The following PCCB variants were observed in gnomAD, a reference collection of about 807,000 sequenced individuals.
PCCB encodes propionyl-CoA carboxylase beta chain, mitochondrial.
In PCCB, 43 loss-of-function variants were observed where a neutral mutation model predicts 60.7. The observed-to-expected ratio is 0.71, with a 90% CI of 0.55 to 0.91. The LOEUF (loss-of-function observed/expected upper bound fraction) is 0.91. Among genes scored for constraint, PCCB ranks in the 40% least tolerant of loss-of-function variants. PCCB has a pLI of 0.00. For synonymous variants in PCCB, 276 were observed against 255.9 expected, an observed-to-expected ratio of 1.08 and a Z score of -0.75; for missense variants, 766 against 702.8, an observed-to-expected ratio of 1.09 and a Z score of -1.02.
At chr3:136,270,139 CTTTA>C (rs1372999013) in intron 5 of PCCB, among the ~76,000 whole-genome samples, 1 of 151,268 alleles carries the variant, frequency 6.6e-6, no homozygotes, top group Non-Finnish European at 1.5e-5. Flanking sequence ...GTTTTTTGTT[CTTTA>C]TTCTAATGAT....
chr3:136,268,087 GATATATATATAT>G (rs61160895), intron 5 of PCCB, among the ~76,000 whole-genome samples: 52 of 93,774 alleles, frequency 5.5e-4, no homozygotes, highest in African/African-American at 1.2e-3. Flanking sequence ...TGTGTGTGTA[GATATATATATAT>G]ATATATATAT....
At chr3:136,315,476 G>A (rs902931065) in intron 9 of PCCB, among the ~76,000 whole-genome samples, 27 of 152,214 alleles carry the variant, frequency 1.8e-4, no homozygotes, top group African/African-American at 6.0e-4. Context: ...GCAGTGAGCC[G>A]AGATCGTGCC....
intron 1 of PCCB, among the ~76,000 whole-genome samples, chr3:136,254,731 G>T (rs976079938): frequency 1.3e-5 from 2 of 149,446 alleles, no homozygotes; most frequent in East Asian, 4.0e-4. Context: ...ACCAGGTTTT[G>T]CCATGTTGTC....
intron 5 of PCCB, among the ~76,000 whole-genome samples, chr3:136,272,764 A>G (rs1942233791): frequency 6.6e-6 from 1 of 151,814 alleles, no homozygotes; most frequent in Non-Finnish European, 1.5e-5. Flanking sequence ...TGGTCGACCA[A>G]TTTTGTTTAT....
At chr3:136,258,089 A>G (rs1263860960) in intron 3 of PCCB, among the ~76,000 whole-genome samples, 3 of 152,112 alleles carry the variant, frequency 2.0e-5, no homozygotes, top group South Asian at 2.1e-4. Context: ...GTTTTGTGCA[A>G]TTTATGAGAG....
In PCCB at chr3:136,327,621, G is replaced by C; in HGVS notation, c.1300-13G>C. 6.3e-7 allele frequency: 1 copy of C among 1,592,336 alleles called. No homozygotes were observed. The highest frequency in any genetic ancestry group is 8.6e-7 in the Non-Finnish European group (1 of 1,160,176). On this transcript the variant is annotated splice_polypyrimidine_tract_variant and intron_variant, in intron 12 of 14. Coordinates refer to ENST00000251654, the MANE Select transcript of PCCB (RefSeq NM_000532.5). The stretch of plus-strand genomic sequence containing the variant: ...TCTCAGGCTCTAACACTCAGCATTT[G>C]GATCTGTTTTAGGCCTATGGAGGTG...
chr3:136,267,978 C>T (rs1340227719), intron 5 of PCCB, among the ~76,000 whole-genome samples: 8 of 122,670 alleles, frequency 6.5e-5, no homozygotes, highest in African/African-American at 2.6e-4. Context: ...TGGAGTTTCA[C>T]TCTTGTCGCC....
intron 5 of PCCB, among the ~76,000 whole-genome samples, chr3:136,263,064 C>G (rs998832172): frequency 2.7e-5 from 4 of 150,206 alleles, no homozygotes; most frequent in Non-Finnish European, 5.9e-5. Flanking sequence ...AAGTGATTCT[C>G]CTGCCTCAGC....
At chr3:136,325,133 GC>G (rs1034527522) in intron 10 of PCCB, among the ~76,000 whole-genome samples, 4 of 151,930 alleles carry the variant, frequency 2.6e-5, no homozygotes, top group African/African-American at 4.8e-5. Context: ...CAGGTGATCC[GC>G]CCACCTTGGC....
intron 10 of PCCB, 50 bp from the exon 11 acceptor site, chr3:136,326,753 G>C: frequency 8.1e-7 from 1 of 1,236,916 alleles, no homozygotes; most frequent in Non-Finnish European, 1.2e-6. Flanking sequence ...ATTGTGGATA[G>C]AACTGGGAAT....
intron 9 of PCCB, among the ~76,000 whole-genome samples, chr3:136,304,756 ATC>A (rs1934401665): frequency 8.4e-6 from 1 of 119,272 alleles, no homozygotes; most frequent in African/African-American, 2.5e-5. Context: ...CAGTGGCACA[ATC>A]TCAGCTTAGT....
chr3:136,277,463 G>A (rs1942359594), intron 5 of PCCB, among the ~76,000 whole-genome samples: 1 of 152,076 alleles, frequency 6.6e-6, no homozygotes, highest in Admixed American at 6.6e-5. Flanking sequence ...GGTGACAACG[G>A]GGTCCATAAA....
At chr3:136,302,015 G>A (rs754333165) in intron 9 of PCCB, among the ~76,000 whole-genome samples, 1 of 152,176 alleles carries the variant, frequency 6.6e-6, no homozygotes, top group Non-Finnish European at 1.5e-5. Context: ...TTCCTTGGAA[G>A]TCAGTTCAGC....
intron 5 of PCCB, among the ~76,000 whole-genome samples, chr3:136,263,426 C>T (rs1008413662): frequency 4.6e-5 from 7 of 151,798 alleles, no homozygotes; most frequent in African/African-American, 1.5e-4. Flanking sequence ...CCACCACATC[C>T]GGTGAATTTT....
intron 3 of PCCB, among the ~76,000 whole-genome samples, chr3:136,257,268 A>T (rs1467947238): frequency 6.6e-6 from 1 of 152,156 alleles, no homozygotes; most frequent in Non-Finnish European, 1.5e-5. Flanking sequence ...ATGTGATATG[A>T]GAAGGACATG....
At chr3:136,313,214 A>G (rs1213537253) in intron 9 of PCCB, among the ~76,000 whole-genome samples, 1 of 152,226 alleles carries the variant, frequency 6.6e-6, no homozygotes, top group Admixed American at 6.5e-5. Context: ...CTAGCAATTT[A>G]CCCTGAAGAT....
intron 5 of PCCB, among the ~76,000 whole-genome samples, chr3:136,267,037 C>A (rs1462426499): frequency 6.6e-6 from 1 of 152,084 alleles, no homozygotes; most frequent in African/African-American, 2.4e-5. Flanking sequence ...TGCATGCCAC[C>A]ACGTCCAGCT....
At chr3:136,251,021 C>T (rs1158266441) in intron 1 of PCCB, among the ~76,000 whole-genome samples, 1 of 152,142 alleles carries the variant, frequency 6.6e-6, no homozygotes, top group Non-Finnish European at 1.5e-5. Context: ...GGGCATACTC[C>T]ACTAACATGA....
chr3:136,308,971 A>C (rs1232022098), intron 9 of PCCB, among the ~76,000 whole-genome samples: 1 of 152,168 alleles, frequency 6.6e-6, no homozygotes, highest in Non-Finnish European at 1.5e-5. Context: ...TCAGAGAAGG[A>C]AAATAAACAG....
Sources: allele counts gnomAD v4.1 joint callset (sites outside exome capture counted in the v4.1 genomes callset), GRCh38; gene constraint gnomAD v4.1.1; transcripts MANE v1.5; gene names NCBI Gene and HGNC (gene_info 2026-07-23, HGNC 2026-07-21).